Variants in TMEM201 observed in about 807,000 individuals in gnomAD.
The protein encoded by TMEM201 is transmembrane protein 201, also known as RP13-15M17.2.
A neutral mutation model predicts 63.4 loss-of-function variants in TMEM201; 26 were observed. The ratio of observed to expected loss-of-function variants is 0.41; its 90% confidence interval spans 0.30 to 0.57. TMEM201 has a LOEUF of 0.57. Ranked by LOEUF, TMEM201 falls within the 20% of genes least tolerant of loss-of-function variation. The pLI is 0.29. For missense variants in TMEM201, 794 were observed against 917.7 expected (o/e 0.87, Z 1.74); for synonymous variants, 417 against 421.6 (o/e 0.99, Z 0.14).
rs372922655 is a variant in TMEM201, at chr1:9,601,543, G to C, written c.956+89G>C. 1,215 of 1,271,452 alleles carry C rather than the reference G, an allele frequency of 9.6e-4. 19 individuals are homozygous for C. The South Asian group carries it at 0.017, about 17-fold the overall frequency. The allele number at this position is 1,271,452 out of a possible 1,614,324, so 78.8% of individuals were successfully genotyped here. A position where few individuals can be genotyped will look rare whatever the true frequency, so the allele number is the denominator to read the frequency against. The stretch of plus-strand genomic sequence containing the variant: ...GGCGGGGGCCAAGAGACCCCATTGG[G>C]TGCACAGCCCTAGGCTGAACTCCAC... On this transcript the variant is annotated intron_variant, in intron 5 of 10. Coordinates refer to ENST00000340381, the MANE Select transcript of TMEM201 (RefSeq NM_001130924.3).
chr1:9,597,068 G>A lies in TMEM201; in HGVS notation c.429+15G>A. 16 of 1,590,734 alleles carry A rather than the reference G, an allele frequency of 1.0e-5. No homozygotes were observed. The highest frequency in any genetic ancestry group is 1.4e-5 in the Non-Finnish European group (16 of 1,164,880). On this transcript the variant is annotated intron_variant, in intron 3 of 10. Coordinates refer to ENST00000340381, the MANE Select transcript of TMEM201 (RefSeq NM_001130924.3). ...CCCGCGAGGAGGTGAGGCCGGGTTG[G>A]GAGGGCAGGGGTCCTGGCTGGGGCC...
rs201176108 is a variant in TMEM201, at chr1:9,596,865, G to A, written c.241G>A (p.Asp81Asn). Residue 81 changes from aspartate (D) to asparagine (N), a missense_variant, in exon 3 of 11, where the codon GAC becomes AAC. Coordinates refer to ENST00000340381, the MANE Select transcript of TMEM201 (RefSeq NM_001130924.3). ...TCCCACCTCTCTCCCGCAGAACGGCGACTACAACAAGCCGATCCCCGCCCA... is the reference window on the plus strand; with the variant it reads ...TCCCACCTCTCTCCCGCAGAACGGCAACTACAACAAGCCGATCCCCGCCCA... ...EQYNGFQENG[D>N]YNKPIPAQYL... 40 of 1,586,564 alleles carry A rather than the reference G, an allele frequency of 2.5e-5. No homozygotes were observed. The highest frequency in any genetic ancestry group is 6.8e-5 in the East Asian group (3 of 44,042).
Position 9,588,956 on chromosome 1 carries a change from C to A in TMEM201, c.26C>A (p.Ala9Asp). The A allele has an allele frequency of 7.9e-7, 1 of 1,272,468 alleles. No individual in the cohort carries two copies. The allele number at this position is 1,272,468 out of a possible 1,614,324, so 78.8% of individuals were successfully genotyped here. Reference sequence around the variant, plus strand: ...ATGGAGGGAGTGAGCGCGCTGCTGGCCCGCTGCCCCACGGCCGGCCTGGCC... The same window carrying A: ...ATGGAGGGAGTGAGCGCGCTGCTGGACCGCTGCCCCACGGCCGGCCTGGCC... MEGVSALL[A>D]RCPTAGLAGG... The change falls in exon 1 of 11, where the codon GCC (alanine) becomes GAC (aspartate). Residue 9 changes from alanine to aspartate, a missense_variant. Transcript: ENST00000340381.
intron 1 of TMEM201, among the ~76,000 whole-genome samples, chr1:9,593,683 G>A (rs191637370): frequency 6.6e-6 from 1 of 152,350 alleles, no homozygotes; most frequent in Admixed American, 6.5e-5. Context: ...AGAAGCCACA[G>A]CCCCTGCTCA....
At chr1:9,598,945 G>A (rs116310991) in intron 4 of TMEM201, among the ~76,000 whole-genome samples, 3,481 of 151,014 alleles carry the variant, frequency 0.023, 136 homozygotes, top group African/African-American at 0.078. Flanking sequence ...CACTGCACCC[G>A]TCCTTTTTTT....
chr1:9,599,310 C>T (rs146584863), intron 4 of TMEM201, among the ~76,000 whole-genome samples: 4,756 of 150,346 alleles, frequency 0.032, 244 homozygotes, highest in African/African-American at 0.11. Flanking sequence ...TGAAGTGGCG[C>T]GATCTCGGCT....
chr1:9,593,549 C>A (rs1194487189), intron 1 of TMEM201, among the ~76,000 whole-genome samples: 13 of 152,158 alleles, frequency 8.5e-5, no homozygotes, highest in African/African-American at 3.1e-4. Flanking sequence ...CCCTTGCCTC[C>A]CCCCTCTTCC....
At chr1:9,612,455 G>C (rs1055302796) in intron 10 of TMEM201, among the ~76,000 whole-genome samples, 1 of 152,232 alleles carries the variant, frequency 6.6e-6, no homozygotes, top group African/African-American at 2.4e-5. Context: ...GAGGGGGTGT[G>C]TGTTGAGGGA....
rs754473783 is a variant in TMEM201 at position 9,601,395 on chromosome 1, C to A, written c.897C>A (p.Gly299=). Reference sequence around the variant, plus strand: ...CCTTTGGGCAGAGCCACCAGACGGGCGTCGTGGCACTGGGCCTACTCACCT... The same window carrying A: ...CCTTTGGGCAGAGCCACCAGACGGGAGTCGTGGCACTGGGCCTACTCACCT... ...AWAFGQSHQT[G]VVALGLLTCL... The change falls in exon 5 of 11, where the codon GGC becomes GGA. Residue 299 remains glycine (G), a synonymous_variant. Transcript: ENST00000340381. 6.2e-7 allele frequency: 1 copy of A among 1,602,282 alleles called. No individual in the cohort carries two copies. Among genetic ancestry groups the A allele is most frequent in the South Asian group, 1.1e-5 (1 of 90,984 alleles).
chr1:9,589,805 C>A (rs546395959), intron 1 of TMEM201, among the ~76,000 whole-genome samples: 166 of 152,332 alleles, frequency 1.1e-3, no homozygotes, highest in Non-Finnish European at 1.9e-3. Flanking sequence ...TCCACCTTTC[C>A]AGAGGGCAGG....
intron 1 of TMEM201, among the ~76,000 whole-genome samples, 154 bp downstream of exon 1, chr1:9,589,197 T>C (rs1211232827): frequency 6.9e-6 from 1 of 145,416 alleles, no homozygotes. Context: ...CGAGACCGGG[T>C]TGAGACTGCA....
rs532297461 is a variant in TMEM201, at chr1:9,612,448, G to C, written c.1904-538G>C. ...TCATCACTCCCTGGGTGGGGAGGAG[G>C]GGGTGTGTGTTGAGGGAGATGGACA... On this transcript the variant is annotated intron_variant, in intron 10 of 10. Transcript: ENST00000340381. 2.0e-5 allele frequency among the ~76,000 whole-genome samples: 3 copies of C among 152,336 alleles called. No individual in the cohort carries two copies. In the South Asian group the frequency reaches 6.2e-4, roughly 32 times the overall value.
At chr1:9,600,997 T>A in intron 4 of TMEM201, 108 bp from the exon 5 acceptor site, 1 of 961,302 alleles carries the variant, frequency 1.0e-6, no homozygotes, top group Non-Finnish European at 1.6e-6. Flanking sequence ...AAGCCCAGGA[T>A]GTGTGAGAAC....
intron 6 of TMEM201, chr1:9,602,810 C>T: frequency 2.0e-6 from 2 of 988,390 alleles, no homozygotes; most frequent in East Asian, 1.1e-4. Context: ...CTGAGGAGCA[C>T]CTGTGGTCTG....
Position 9,601,204 on chromosome 1 carries a change from G to A in TMEM201, c.706G>A (p.Ala236Thr), listed in dbSNP as rs1557555036. The A allele has an allele frequency of 2.5e-6, 4 of 1,612,600 alleles. No individual in the cohort carries two copies. Among genetic ancestry groups the A allele is most frequent in the Non-Finnish European group, 3.4e-6 (4 of 1,179,870 alleles). ...CCTACTGACCACCGCGCTGTATGGG[G>A]CCAGCGGACACTTCGCCCCAGGCAC... is the stretch of plus-strand genomic sequence containing the variant. ...AFLLTTALYG[A>T]SGHFAPGTTV... Residue 236 changes from alanine to threonine, a missense_variant, in exon 5 of 11, where the codon GCC (alanine) becomes ACC (threonine). Coordinates refer to ENST00000340381, the MANE Select transcript of TMEM201 (RefSeq NM_001130924.3).
At position 9,607,597 on chromosome 1, in the gene TMEM201, C is replaced by G. The variant is rs1348892674; in HGVS notation, c.1201C>G (p.Pro401Ala). Residue 401 changes from proline to alanine, a missense_variant, in exon 7 of 11, where the codon CCC becomes GCC. Coordinates refer to ENST00000340381, the MANE Select transcript of TMEM201 (RefSeq NM_001130924.3). This position sits in a 1 kb window ranked among gnomAD's most constrained non-coding sequence, Gnocchi z 5.4. ...CTCTGCCGGCCTTTTCCCCACCAGCCCCAGCTTGGCCATCCCTCACCCGAG... is the reference window on the plus strand; with the variant it reads ...CTCTGCCGGCCTTTTCCCCACCAGCGCCAGCTTGGCCATCCCTCACCCGAG... ...GDSAGLFPTS[P>A]SLAIPHPSVG... The G allele has an allele frequency of 2.6e-6, 4 of 1,551,450 alleles. No homozygotes were observed. Among genetic ancestry groups the G allele is most frequent in the Middle Eastern group, 1.7e-4 (1 of 6,014 alleles).
chr1:9,589,522 G>A (rs771882967), intron 1 of TMEM201, among the ~76,000 whole-genome samples: 7 of 152,262 alleles, frequency 4.6e-5, no homozygotes, highest in African/African-American at 1.2e-4. Flanking sequence ...TCAGTAACTT[G>A]CTGTTAATGA....
chr1:9,602,668 G>A (rs1644168755), intron 6 of TMEM201: 3 of 1,128,470 alleles, frequency 2.7e-6, no homozygotes, highest in South Asian at 4.5e-5. Context: ...GTTGGGTGAG[G>A]GTCCTGGTCC....
rs1488082415 is a variant in TMEM201 at position 9,607,992 on chromosome 1, C to T, written c.1393+203C>T. 6.6e-6 allele frequency among the ~76,000 whole-genome samples: 1 copy of T among 152,200 alleles called. No individual in the cohort carries two copies. The highest frequency in any genetic ancestry group is 1.5e-5 in the Non-Finnish European group (1 of 68,038). ...GTGGCTCATGCCTTTAATCCCAGCA[C>T]TTTAGGAGGCCAAGGTGGGAGGATG... On this transcript the variant is annotated intron_variant, in intron 7 of 10. Transcript: ENST00000340381. This position sits in a 1 kb window ranked among gnomAD's most constrained non-coding sequence, Gnocchi z 5.4.
Sources: allele counts gnomAD v4.1 joint callset (sites outside exome capture counted in the v4.1 genomes callset), GRCh38; gene constraint gnomAD v4.1.1; non-coding constraint Gnocchi (gnomAD v3.1); transcripts MANE v1.5; gene names NCBI Gene and HGNC (gene_info 2026-07-23, HGNC 2026-07-21).